PRDM16: variants seen among roughly 807,000 people sequenced by gnomAD.
The protein encoded by PRDM16 is PR/SET domain 16.
PRDM16 carries 23 observed loss-of-function variants against 110.6 expected under a neutral mutation model. The observed-to-expected ratio is 0.21, with a 90% CI of 0.15 to 0.29. The LOEUF (loss-of-function observed/expected upper bound fraction) is 0.29. Among genes scored for constraint, PRDM16 ranks in the 10% least tolerant of loss-of-function variants. PRDM16 has a pLI of 1.00. For missense variants in PRDM16, 1,615 were observed against 1,794.3 expected (o/e 0.90, Z 1.81); for synonymous variants, 799 against 781.8 (o/e 1.02, Z -0.37).
chr1:3,185,956 C>A lies in PRDM16; in HGVS notation c.38-169C>A, dbSNP rs74050163. 0.012 allele frequency among the ~76,000 whole-genome samples: 1,807 copies of A among 152,338 alleles called. 41 individuals are homozygous for A. The highest frequency in any genetic ancestry group is 0.04 in the African/African-American group (1,664 of 41,578). ...CTGACATCGAGTGATGGCAGCTGGG[C>A]TCAGGGCAGAGTGGAGGCAGCGTCT... is the stretch of plus-strand genomic sequence containing the variant. On this transcript the variant is annotated intron_variant, in intron 1 of 16. Coordinates refer to ENST00000270722, the MANE Select transcript of PRDM16 (RefSeq NM_022114.4).
At chr1:3,079,000 G>A (rs571100872) in intron 1 of PRDM16, among the ~76,000 whole-genome samples, 2 of 152,356 alleles carry the variant, frequency 1.3e-5, no homozygotes, top group South Asian at 2.1e-4. Flanking sequence ...CAAAAATGAC[G>A]CTCACCGGAG....
chr1:3,173,571 G>A (rs1373144101), intron 1 of PRDM16, among the ~76,000 whole-genome samples: 7 of 152,236 alleles, frequency 4.6e-5, no homozygotes, highest in Non-Finnish European at 7.3e-5. Context: ...AGGGGCGTTC[G>A]TGGGCAGTGG....
chr1:3,199,536 CTCAGGCTCCTGGG>C (rs1014677298), intron 2 of PRDM16, among the ~76,000 whole-genome samples: 23 of 152,262 alleles, frequency 1.5e-4, no homozygotes, highest in African/African-American at 5.5e-4. Context: ...GGAGAGGCTG[CTCAGGCTCCTGGG>C]TCAGCCAAAG....
chr1:3,393,874 C>T (rs1000045978), intron 4 of PRDM16, among the ~76,000 whole-genome samples: 2 of 152,336 alleles, frequency 1.3e-5, no homozygotes, highest in South Asian at 4.1e-4. Context: ...CCGCCTCGGG[C>T]CCTGCGATCA....
chr1:3,126,248 G>A (rs974384311), intron 1 of PRDM16, among the ~76,000 whole-genome samples: 2 of 152,188 alleles, frequency 1.3e-5, no homozygotes, highest in Admixed American at 6.5e-5. Flanking sequence ...CGCCGCCGCC[G>A]CACGCGGCCA....
intron 2 of PRDM16, among the ~76,000 whole-genome samples, chr1:3,225,958 C>T (rs940936604): frequency 2.0e-5 from 3 of 152,252 alleles, no homozygotes; most frequent in Non-Finnish European, 2.9e-5. Flanking sequence ...GGCTGATTCT[C>T]CTGCATCCGT....
chr1:3,166,131 G>A (rs928593092), intron 1 of PRDM16, among the ~76,000 whole-genome samples: 4 of 152,230 alleles, frequency 2.6e-5, no homozygotes, highest in Non-Finnish European at 4.4e-5. Context: ...CTTGCTTTCC[G>A]TTTGGCTGAA....
chr1:3,112,384 G>A (rs915074563), intron 1 of PRDM16, among the ~76,000 whole-genome samples: 40 of 152,318 alleles, frequency 2.6e-4, no homozygotes, highest in Admixed American at 2.1e-3. Flanking sequence ...CTCTCTTTTC[G>A]CTTCTCTCTA....
At chr1:3,181,861 C>T in intron 1 of PRDM16, among the ~76,000 whole-genome samples, 1 of 94,102 alleles carries the variant, frequency 1.1e-5, no homozygotes. Context: ...CTTACACACG[C>T]AGTCTTACAC....
intron 2 of PRDM16, among the ~76,000 whole-genome samples, chr1:3,188,024 C>T (rs1362892445): frequency 1.3e-5 from 2 of 152,064 alleles, no homozygotes; most frequent in African/African-American, 4.8e-5. Flanking sequence ...CCAGGGGCCC[C>T]AGTGAAGCAG....
Position 3,412,164 on chromosome 1 carries a change from CG to C in PRDM16, c.1972del (p.Ala658ProfsTer26). 1.3e-6 allele frequency: 2 copies of C among 1,570,942 alleles called. No individual in the cohort carries two copies. The highest frequency in any genetic ancestry group is 8.6e-7 in the Non-Finnish European group (1 of 1,157,354). ...AAGTTTGGGGGCGGCTTGGCGCCCC[CG>C]GGGGCCCCGAACAGCGTGGCCGAGG... ...QPKFGGGLAP[P>X]GAPNSVAEVP... On this transcript the variant is annotated frameshift_variant, in exon 9 of 17. Transcript: ENST00000270722. LOFTEE classifies it high-confidence loss of function.
chr1:3,306,142 A>G (rs3923081), intron 3 of PRDM16, among the ~76,000 whole-genome samples: 71,060 of 152,090 alleles, frequency 0.47, 17,425 homozygotes, highest in Admixed American at 0.54. Context: ...GGAAGTACTC[A>G]CTGGGGGAGT....
At chr1:3,271,028 T>C (rs1263677508) in intron 3 of PRDM16, among the ~76,000 whole-genome samples, 1 of 152,020 alleles carries the variant, frequency 6.6e-6, no homozygotes, top group Non-Finnish European at 1.5e-5. Flanking sequence ...AGGCAGACCT[T>C]GGTGTCTGCC....
At chr1:3,273,619 AGTGT>A (rs535357713) in intron 3 of PRDM16, among the ~76,000 whole-genome samples, 1 of 150,416 alleles carries the variant, frequency 6.6e-6, no homozygotes. Context: ...CGGGCACGTA[AGTGT>A]GTGTGTGCAT....
rs1023948660 is a variant in PRDM16 at position 3,209,574 on chromosome 1, G to A, written c.387+23100G>A. On this transcript the variant is annotated intron_variant, in intron 2 of 16. Coordinates refer to ENST00000270722, the MANE Select transcript of PRDM16 (RefSeq NM_022114.4). The surrounding 1 kb of genome is among the most constrained non-coding windows in gnomAD (Gnocchi z 4.6). ...TTTCCAAAGGAAGCTCCCTGTGGGTGCGCGTGGAAGCTGAGCGCCTCAGTG... is the reference window on the plus strand; with the variant it reads ...TTTCCAAAGGAAGCTCCCTGTGGGTACGCGTGGAAGCTGAGCGCCTCAGTG... Among the ~76,000 whole-genome samples, 1 of 152,212 alleles carries A rather than the reference G, an allele frequency of 6.6e-6. No individual in the cohort carries two copies. Among genetic ancestry groups the A allele is most frequent in the Non-Finnish European group, 1.5e-5 (1 of 68,032 alleles).
intron 1 of PRDM16, among the ~76,000 whole-genome samples, chr1:3,174,574 A>G (rs994163064): frequency 2.6e-5 from 4 of 152,052 alleles, no homozygotes; most frequent in Admixed American, 2.6e-4. Flanking sequence ...AGCACTGTGG[A>G]CTGTCCCTGC....
At position 3,412,953 on chromosome 1, in the gene PRDM16, G is replaced by T. The variant is rs574788190; in HGVS notation, c.2603+153G>T. Among the ~76,000 whole-genome samples the T allele has an allele frequency of 1.4e-3, 206 of 152,318 alleles. 1 individual carries two copies. The highest frequency in any genetic ancestry group is 4.7e-3 in the African/African-American group (197 of 41,570). On this transcript the variant is annotated intron_variant, in intron 9 of 16. Coordinates refer to ENST00000270722, the MANE Select transcript of PRDM16 (RefSeq NM_022114.4). Reference sequence around the variant, plus strand: ...GGAAGATGCCCCTGTTCTTGGGGGGGTCTGCACCCCTCAGGAGGGATGCCT... The same window carrying T: ...GGAAGATGCCCCTGTTCTTGGGGGGTTCTGCACCCCTCAGGAGGGATGCCT...
rs756342827 is a variant in PRDM16, at chr1:3,376,800, G to A, written c.439-8352G>A. ...ACCTCCCTCTCAGCCTAAGCAGGTG[G>A]GCCCCAGGCTTGCTGACCGCCGACC... is the stretch of plus-strand genomic sequence containing the variant. On this transcript the variant is annotated intron_variant, in intron 3 of 16. Coordinates refer to ENST00000270722, the MANE Select transcript of PRDM16 (RefSeq NM_022114.4). Among the ~76,000 whole-genome samples, 5 of 151,496 alleles carry A rather than the reference G, an allele frequency of 3.3e-5. No individual in the cohort carries two copies. The South Asian group carries it at 1.1e-3, about 32-fold the overall frequency.
intron 3 of PRDM16, among the ~76,000 whole-genome samples, chr1:3,323,066 T>C (rs1183194983): frequency 6.6e-6 from 1 of 152,092 alleles, no homozygotes; most frequent in Non-Finnish European, 1.5e-5. Context: ...GAGCAGCCCG[T>C]TTCATGTTGC....
Sources: gnomAD v4.1 joint callset for allele counts (sites outside exome capture counted in the v4.1 genomes callset) on GRCh38, gnomAD v4.1.1 for gene constraint, Gnocchi (gnomAD v3.1) non-coding constraint, MANE v1.5 for transcripts, NCBI Gene and HGNC (gene_info 2026-07-23, HGNC 2026-07-21) for gene names.